Variants in ADCY5 observed in about 807,000 individuals in gnomAD.
ADCY5 encodes the protein adenylate cyclase type 5.
In ADCY5, 30 loss-of-function variants were observed where a neutral mutation model predicts 119.7. That is an observed-to-expected ratio of 0.25 (90% CI 0.19 to 0.34). The LOEUF (loss-of-function observed/expected upper bound fraction) is 0.34. Among genes scored for constraint, ADCY5 ranks in the 10% least tolerant of loss-of-function variants. The pLI is 1.00. For synonymous variants in ADCY5, 753 were observed against 762.2 expected (o/e 0.99, Z 0.20); for missense variants, 1,324 against 1,775.2 (o/e 0.75, Z 4.57).
intron 1 of ADCY5, among the ~76,000 whole-genome samples, chr3:123,394,001 C>T (rs866986037): frequency 3.9e-5 from 6 of 152,052 alleles, no homozygotes; most frequent in Admixed American, 1.3e-4. Context: ...ATTAGCCAGG[C>T]GTGGTGATGG....
chr3:123,323,985 G>A (rs901633604), intron 8 of ADCY5, among the ~76,000 whole-genome samples: 1 of 152,110 alleles, frequency 6.6e-6, no homozygotes, highest in African/African-American at 2.4e-5. Flanking sequence ...TTTGCTCAGG[G>A]GAGGGAGGGT....
chr3:123,331,442 A>G (rs908162241), intron 4 of ADCY5, among the ~76,000 whole-genome samples: 7 of 152,266 alleles, frequency 4.6e-5, no homozygotes, highest in African/African-American at 1.7e-4. Context: ...AGATTCTATC[A>G]AAAGTTGTCT....
chr3:123,431,072 T>G (rs1412851501), intron 1 of ADCY5, among the ~76,000 whole-genome samples: 1 of 152,170 alleles, frequency 6.6e-6, no homozygotes, highest in Non-Finnish European at 1.5e-5. Flanking sequence ...ATTCTGTGCT[T>G]CTCATGAGCT....
intron 12 of ADCY5, among the ~76,000 whole-genome samples, chr3:123,310,958 G>A (rs1009146495): frequency 8.5e-5 from 13 of 152,264 alleles, no homozygotes; most frequent in African/African-American, 2.6e-4. Flanking sequence ...GGGAAAACCC[G>A]GAAAGAACCA....
In ADCY5 at chr3:123,296,222, G is replaced by C. The variant is rs1217761224; in HGVS notation, c.2931-6C>G. On this transcript the variant is annotated splice_polypyrimidine_tract_variant and splice_region_variant and intron_variant, in intron 16 of 20. Transcript: ENST00000462833. ...CCTTGGTTGCATGCTCAGGGCTGTG[G>C]GGAGGTGGTGGACAGGCCTGAGACG... The C allele has an allele frequency of 6.2e-7, 1 of 1,613,384 alleles. No individual in the cohort carries two copies. The highest frequency in any genetic ancestry group is 8.5e-7 in the Non-Finnish European group (1 of 1,179,818).
chr3:123,385,454 A>G (rs1944190401), intron 1 of ADCY5, among the ~76,000 whole-genome samples: 1 of 152,198 alleles, frequency 6.6e-6, no homozygotes, highest in East Asian at 1.9e-4. Flanking sequence ...AATAAGCCTC[A>G]CTTAGCCCCA....
At chr3:123,428,094 G>A (rs1004862888) in intron 1 of ADCY5, among the ~76,000 whole-genome samples, 6 of 152,184 alleles carry the variant, frequency 3.9e-5, no homozygotes, top group Non-Finnish European at 8.8e-5. Flanking sequence ...AGAAATATGT[G>A]AGAACCATGC....
intron 1 of ADCY5, among the ~76,000 whole-genome samples, chr3:123,370,944 C>A (rs1367623233): frequency 6.6e-6 from 1 of 152,146 alleles, no homozygotes; most frequent in East Asian, 1.9e-4. Flanking sequence ...GGTGTGAAAA[C>A]ACTAAGGCCA....
chr3:123,335,161 G>C (rs1180119473), intron 3 of ADCY5, among the ~76,000 whole-genome samples: 3 of 152,094 alleles, frequency 2.0e-5, no homozygotes, highest in Non-Finnish European at 4.4e-5. Context: ...TACATACCGA[G>C]CCAGCGCAAA....
rs1941617082 is a variant in ADCY5, at chr3:123,328,782, CCT to C, written c.1665_1666del (p.Val557GlufsTer30). ...TCCCACACGCATGTTCACGTTCACC[CCT>C]GTCACCTCCCGGACCAACCTGGGGA... On this transcript the variant is annotated frameshift_variant, in exon 6 of 21. Coordinates refer to ENST00000462833, the MANE Select transcript of ADCY5 (RefSeq NM_183357.3). LOFTEE classifies it high-confidence loss of function. 3 of 1,614,214 alleles carry C rather than the reference CCT, an allele frequency of 1.9e-6. No individual in the cohort carries two copies. The highest frequency in any genetic ancestry group is 8.5e-7 in the Non-Finnish European group (1 of 1,180,034).
Position 123,448,716 on chromosome 3 carries a change from G to A in ADCY5, c.-171C>T, listed in dbSNP as rs1945876808. 1 of 512,884 alleles carries A rather than the reference G, an allele frequency of 1.9e-6. No individual in the cohort carries two copies. The highest frequency in any genetic ancestry group is 3.0e-6 in the Non-Finnish European group (1 of 331,494). The allele number at this position is 512,884 out of a possible 1,614,324, so 31.8% of individuals were successfully genotyped here. On this transcript the variant is annotated 5_prime_UTR_variant, in exon 1 of 21. Transcript: ENST00000462833. The stretch of plus-strand genomic sequence containing the variant: ...CTTGGCACCCCCGTCCTGAGCGGAG[G>A]AGGAGGGCACAGCCCCGAGGTGAGA...
chr3:123,330,598 A>G (rs952797478), intron 5 of ADCY5, among the ~76,000 whole-genome samples: 2 of 152,158 alleles, frequency 1.3e-5, no homozygotes, highest in African/African-American at 4.8e-5. Flanking sequence ...ACGGCACAGG[A>G]TCCTCACATG....
intron 1 of ADCY5, among the ~76,000 whole-genome samples, chr3:123,354,840 A>G (rs1942982206): frequency 6.6e-6 from 1 of 152,250 alleles, no homozygotes; most frequent in African/African-American, 2.4e-5. Flanking sequence ...TTAATAGACT[A>G]AAATTTAAAA....
At position 123,439,076 on chromosome 3, in the gene ADCY5, C is replaced by CCTTTTTTTTTTTTTTTTT. The variant is rs141937415; in HGVS notation, c.1134+8335_1134+8336insAAAAAAAAAAAAAAAAAG. 6.0e-4 allele frequency among the ~76,000 whole-genome samples: 39 copies of CCTTTTTTTTTTTTTTTTT among 64,734 alleles called. 2 individuals carry two copies. Among genetic ancestry groups the CCTTTTTTTTTTTTTTTTT allele is most frequent in the African/African-American group, 2.5e-3 (38 of 15,426 alleles). The allele number at this position is 64,734 out of a possible 152,430, so 42.5% of individuals were successfully genotyped here. On this transcript the variant is annotated intron_variant, in intron 1 of 20. Coordinates refer to ENST00000462833, the MANE Select transcript of ADCY5 (RefSeq NM_183357.3). ...CCCACTGTGCCCAGACCCTAAAGTG[C>CCTTTTTTTTTTTTTTTTT]TTTTTTTTTTGAGATGGAGTCTCGC...
chr3:123,440,498 C>G (rs1008586745), intron 1 of ADCY5, among the ~76,000 whole-genome samples: 1 of 151,642 alleles, frequency 6.6e-6, no homozygotes, highest in Non-Finnish European at 1.5e-5. Context: ...TCATTGTTCC[C>G]AGAGAACAGC....
At position 123,327,770 on chromosome 3, in the gene ADCY5, G is replaced by A; in HGVS notation, c.1806-11C>T. 1.9e-6 allele frequency: 3 copies of A among 1,613,816 alleles called. No homozygotes were observed. Among genetic ancestry groups the A allele is most frequent in the African/African-American group, 1.3e-5 (1 of 75,022 alleles). On this transcript the variant is annotated splice_polypyrimidine_tract_variant and intron_variant, in intron 6 of 20. Coordinates refer to ENST00000462833, the MANE Select transcript of ADCY5 (RefSeq NM_183357.3). Reference sequence around the variant, plus strand: ...GTGATGTGGATGCGTCTACAGGGGGGCAGGGATCAGGGTGGAGAGGGCAGA... The same window carrying A: ...GTGATGTGGATGCGTCTACAGGGGGACAGGGATCAGGGTGGAGAGGGCAGA...
intron 17 of ADCY5, among the ~76,000 whole-genome samples, chr3:123,292,877 A>G (rs1393493933): frequency 6.6e-6 from 1 of 152,052 alleles, no homozygotes; most frequent in Non-Finnish European, 1.5e-5. Flanking sequence ...CAGAAGCACT[A>G]CAGCTCCTTT....
intron 1 of ADCY5, among the ~76,000 whole-genome samples, chr3:123,421,618 C>T (rs1945304751): frequency 6.6e-6 from 1 of 152,048 alleles, no homozygotes; most frequent in South Asian, 2.1e-4. Flanking sequence ...GGGTGGTAGG[C>T]AATGACTGGG....
In ADCY5 at chr3:123,283,576, G is replaced by A. The variant is rs1360829471; in HGVS notation, c.*1032C>T. On this transcript the variant is annotated 3_prime_UTR_variant, in exon 21 of 21. Transcript: ENST00000462833. The stretch of plus-strand genomic sequence containing the variant: ...GGTACCCCAAAAGCACACACCCACT[G>A]CTCTGGTGGTACCTTGGAAAACCCA... 1 of 152,144 alleles carries A rather than the reference G, an allele frequency of 6.6e-6. No homozygotes were observed. Among genetic ancestry groups the A allele is most frequent in the Non-Finnish European group, 1.5e-5 (1 of 68,040 alleles). The allele number at this position is 152,144 out of a possible 1,614,324, so 9.4% of individuals were successfully genotyped here. A position where few individuals can be genotyped will look rare whatever the true frequency, so the allele number is the denominator to read the frequency against.
Sources: gnomAD v4.1 joint callset for allele counts (sites outside exome capture counted in the v4.1 genomes callset) on GRCh38, gnomAD v4.1.1 for gene constraint, MANE v1.5 for transcripts, NCBI Gene and HGNC (gene_info 2026-07-23, HGNC 2026-07-21) for gene names.